ARHGAP35: variants seen among roughly 807,000 people sequenced by gnomAD.
ARHGAP35 encodes the protein Rho GTPase activating protein 35.
In ARHGAP35, 15 loss-of-function variants were observed where a neutral mutation model predicts 111.1. That is an observed-to-expected ratio of 0.13 (90% CI 0.09 to 0.21). ARHGAP35 has a LOEUF of 0.21. Among genes scored for constraint, ARHGAP35 ranks in the 10% least tolerant of loss-of-function variants. The pLI is 1.00. For missense variants in ARHGAP35, 1,262 were observed against 1,873.0 expected (o/e 0.67, Z 6.02); for synonymous variants, 643 against 710.3 (o/e 0.91, Z 1.51).
chr19:46,941,554 G>A (rs1030685094), intron 3 of ARHGAP35, among the ~76,000 whole-genome samples: 2 of 149,794 alleles, frequency 1.3e-5, no homozygotes, highest in Admixed American at 6.6e-5. Context: ...GGGCAACAGA[G>A]CGAGACCCTG....
Position 46,899,546 on chromosome 19 carries a change from A to C in ARHGAP35, c.-188-18942A>C, listed in dbSNP as rs868078722. Among the ~76,000 whole-genome samples, 4 of 151,982 alleles carry C rather than the reference A, an allele frequency of 2.6e-5. No homozygotes were observed. In the South Asian group the frequency reaches 6.2e-4, roughly 24 times the overall value. Reference sequence around the variant, plus strand: ...TTGTCTCTACAAAAAAAATACAAAAATTAGCCGGGCATGGTAGCACACCCA... The same window carrying C: ...TTGTCTCTACAAAAAAAATACAAAACTTAGCCGGGCATGGTAGCACACCCA... On this transcript the variant is annotated intron_variant, in intron 1 of 6. Coordinates refer to ENST00000672722, the MANE Select transcript of ARHGAP35 (RefSeq NM_004491.5).
chr19:46,877,237 TA>T (rs1414906474), intron 1 of ARHGAP35, among the ~76,000 whole-genome samples: 1 of 83,152 alleles, frequency 1.2e-5, no homozygotes, highest in Non-Finnish European at 2.3e-5. Context: ...GGGTAGCGAG[TA>T]AAACTGTCTC....
In ARHGAP35 at chr19:46,895,840, T is replaced by C. The variant is rs111501054; in HGVS notation, c.-188-22648T>C. On this transcript the variant is annotated intron_variant, in intron 1 of 6. Transcript: ENST00000672722. ...GAGGAAGGCCAGGTGCGGTGGCTCA[T>C]GCCTGTAATCCCAGCACTTTGGGAG... is the stretch of plus-strand genomic sequence containing the variant. Among the ~76,000 whole-genome samples the C allele has an allele frequency of 6.5e-3, 983 of 152,182 alleles. 6 individuals carry two copies. The highest frequency in any genetic ancestry group is 0.02 in the South Asian group (97 of 4,816).
At chr19:46,969,234 A>G (rs1197554675) in intron 3 of ARHGAP35, among the ~76,000 whole-genome samples, 1 of 152,238 alleles carries the variant, frequency 6.6e-6, no homozygotes, top group East Asian at 1.9e-4. Flanking sequence ...GAATGTGCTC[A>G]CAGCCATCGA....
At chr19:46,871,482 A>G (rs900322343) in intron 1 of ARHGAP35, among the ~76,000 whole-genome samples, 12 of 152,156 alleles carry the variant, frequency 7.9e-5, no homozygotes, top group African/African-American at 2.6e-4. Context: ...AGCTGAGATT[A>G]CAGGTGCGTG....
In ARHGAP35 at chr19:46,879,956, T is replaced by C. The variant is rs544446029; in HGVS notation, c.-189+18747T>C. Among the ~76,000 whole-genome samples the C allele has an allele frequency of 7.8e-4, 116 of 149,378 alleles. 1 individual carries two copies. The highest frequency in any genetic ancestry group is 2.8e-3 in the African/African-American group (112 of 40,268). On this transcript the variant is annotated intron_variant, in intron 1 of 6. Coordinates refer to ENST00000672722, the MANE Select transcript of ARHGAP35 (RefSeq NM_004491.5). ...CACAAATTAGCCAGGCATGGTGGTA[T>C]ATGCCTGTAATCCCAGAAACTTGGG...
chr19:46,940,003 G>A (rs1477048860), intron 3 of ARHGAP35, among the ~76,000 whole-genome samples: 14 of 151,608 alleles, frequency 9.2e-5, no homozygotes, highest in Non-Finnish European at 1.2e-4. Flanking sequence ...TTGGGAGGCC[G>A]AGGCAAGCAG....
chr19:47,000,743 T>C lies in ARHGAP35; in HGVS notation c.*55T>C. On this transcript the variant is annotated 3_prime_UTR_variant, in exon 7 of 7. Coordinates refer to ENST00000672722, the MANE Select transcript of ARHGAP35 (RefSeq NM_004491.5). This position sits in a 1 kb window ranked among gnomAD's most constrained non-coding sequence, Gnocchi z 6.9. The stretch of plus-strand genomic sequence containing the variant: ...CGGTCCTCTCTCTGACGGGGTGGCA[T>C]TTGGCCTTGAACAAAACCAAGTCCA... The C allele has an allele frequency of 6.6e-6, 10 of 1,524,986 alleles. No individual in the cohort carries two copies. The highest frequency in any genetic ancestry group is 8.8e-6 in the Non-Finnish European group (10 of 1,132,870). The allele number at this position is 1,524,986 out of a possible 1,614,324, so 94.5% of individuals were successfully genotyped here. A position where few individuals can be genotyped will look rare whatever the true frequency, so the allele number is the denominator to read the frequency against.
intron 1 of ARHGAP35, among the ~76,000 whole-genome samples, chr19:46,900,680 T>C (rs1005814051): frequency 7.9e-5 from 12 of 152,152 alleles, no homozygotes; most frequent in Admixed American, 2.6e-4. Context: ...GTGTGTGTGG[T>C]GCTGAGGTCA....
chr19:46,919,323 T>C lies in ARHGAP35; in HGVS notation c.648T>C (p.Phe216=). The change falls in exon 2 of 7, where the codon TTT becomes TTC. Residue 216 remains phenylalanine (F), a synonymous_variant. Coordinates refer to ENST00000672722, the MANE Select transcript of ARHGAP35 (RefSeq NM_004491.5). This position sits in a 1 kb window ranked among gnomAD's most constrained non-coding sequence, Gnocchi z 6.2. ...VERYIRDAHT[F]ALSKKNLQVV... ...GGTACATTAGAGATGCACATACTTTTGCCTTAAGCAAAAAGAACCTCCAGG... is the reference window on the plus strand; with the variant it reads ...GGTACATTAGAGATGCACATACTTTCGCCTTAAGCAAAAAGAACCTCCAGG... 2.5e-6 allele frequency: 4 copies of C among 1,613,998 alleles called. No homozygotes were observed. The highest frequency in any genetic ancestry group is 2.5e-6 in the Non-Finnish European group (3 of 1,179,888).
At chr19:46,904,923 C>T (rs2056098629) in intron 1 of ARHGAP35, among the ~76,000 whole-genome samples, 2 of 152,176 alleles carry the variant, frequency 1.3e-5, no homozygotes, top group East Asian at 1.9e-4. Flanking sequence ...TCCTGTTCTC[C>T]AGCCAGGGCA....
chr19:46,910,938 T>A (rs1036922490), intron 1 of ARHGAP35, among the ~76,000 whole-genome samples: 3 of 152,116 alleles, frequency 2.0e-5, no homozygotes, highest in African/African-American at 7.2e-5. Context: ...ACTCCTGGTC[T>A]CAAGCAGTCC....
chr19:46,888,215 G>A lies in ARHGAP35; in HGVS notation c.-189+27006G>A, dbSNP rs1445868545. On this transcript the variant is annotated intron_variant, in intron 1 of 6. Coordinates refer to ENST00000672722, the MANE Select transcript of ARHGAP35 (RefSeq NM_004491.5). ...GATCCGCCCACCTCGGCCTCCCAAA[G>A]TGCTGGGGTTACAGGCGTAAGCCAC... is the stretch of plus-strand genomic sequence containing the variant. Among the ~76,000 whole-genome samples, 15 of 135,434 alleles carry A rather than the reference G, an allele frequency of 1.1e-4. 1 individual carries two copies. Among genetic ancestry groups the A allele is most frequent in the African/African-American group, 4.1e-4 (15 of 36,472 alleles). The allele number at this position is 135,434 out of a possible 152,430, so 88.8% of individuals were successfully genotyped here. A position where few individuals can be genotyped will look rare whatever the true frequency, so the allele number is the denominator to read the frequency against.
intron 3 of ARHGAP35, among the ~76,000 whole-genome samples, chr19:46,970,056 G>T (rs969961515): frequency 1.3e-5 from 2 of 152,136 alleles, no homozygotes; most frequent in African/African-American, 4.8e-5. Context: ...AGGCACTCGG[G>T]TATCTATTGA....
chr19:46,992,430 C>G lies in ARHGAP35; in HGVS notation c.4036+2755C>G, dbSNP rs1157774063. Among the ~76,000 whole-genome samples the G allele has an allele frequency of 6.6e-6, 1 of 152,158 alleles. No homozygotes were observed. Among genetic ancestry groups the G allele is most frequent in the Non-Finnish European group, 1.5e-5 (1 of 68,028 alleles). ...AGAGGGCTTCACAGGGGAGATGGGCCAGGGTTTCAGGAGGCAGAAGAAAAG... is the reference window on the plus strand; with the variant it reads ...AGAGGGCTTCACAGGGGAGATGGGCGAGGGTTTCAGGAGGCAGAAGAAAAG... On this transcript the variant is annotated intron_variant, in intron 5 of 6. Coordinates refer to ENST00000672722, the MANE Select transcript of ARHGAP35 (RefSeq NM_004491.5). This position sits in a 1 kb window ranked among gnomAD's most constrained non-coding sequence, Gnocchi z 4.4.
At chr19:46,950,047 A>G (rs2056403107) in intron 3 of ARHGAP35, among the ~76,000 whole-genome samples, 1 of 152,166 alleles carries the variant, frequency 6.6e-6, no homozygotes, top group African/African-American at 2.4e-5. Flanking sequence ...GGCCACCCCC[A>G]AAGGCCCCTC....
chr19:46,965,868 T>C (rs1383947064), intron 3 of ARHGAP35, among the ~76,000 whole-genome samples: 1 of 152,206 alleles, frequency 6.6e-6, no homozygotes, highest in East Asian at 1.9e-4. Flanking sequence ...AATGTTTAGT[T>C]TTTACAATCC....
chr19:46,986,142 A>C lies in ARHGAP35; in HGVS notation c.3827-1847A>C, dbSNP rs994859197. Among the ~76,000 whole-genome samples the C allele has an allele frequency of 6.6e-6, 1 of 152,222 alleles. No homozygotes were observed. The highest frequency in any genetic ancestry group is 2.4e-5 in the African/African-American group (1 of 41,456). Reference sequence around the variant, plus strand: ...GAAGGGACCCAGGGTTGCTTTAGCCATGAGACCCCATGTCAGTTTTCACAG... The same window carrying C: ...GAAGGGACCCAGGGTTGCTTTAGCCCTGAGACCCCATGTCAGTTTTCACAG... On this transcript the variant is annotated intron_variant, in intron 3 of 6. Transcript: ENST00000672722. This position sits in a 1 kb window ranked among gnomAD's most constrained non-coding sequence, Gnocchi z 4.3.
In ARHGAP35 at chr19:46,930,221, C is replaced by T. The variant is rs929898488; in HGVS notation, c.3682-7043C>T. 4.0e-5 allele frequency among the ~76,000 whole-genome samples: 6 copies of T among 151,678 alleles called. No individual in the cohort carries two copies. In the Middle Eastern group the frequency reaches 0.014, roughly 344 times the overall value. On this transcript the variant is annotated intron_variant, in intron 2 of 6. Transcript: ENST00000672722. ...GTCTCTACAAAATATTATCTGGGCG[C>T]GGTGGCACACACCTGTAGTCCCAGC...
Sources: gnomAD v4.1 joint callset for allele counts (sites outside exome capture counted in the v4.1 genomes callset) on GRCh38, gnomAD v4.1.1 for gene constraint, Gnocchi (gnomAD v3.1) non-coding constraint, MANE v1.5 for transcripts, NCBI Gene and HGNC (gene_info 2026-07-23, HGNC 2026-07-21) for gene names.